CNTNAP2: variants seen among roughly 807,000 people sequenced by gnomAD.
CNTNAP2 encodes contactin-associated protein-like 2.
Under a neutral mutation model 155.2 loss-of-function variants are expected in CNTNAP2, and 98 were observed. The ratio of observed to expected loss-of-function variants is 0.63; its 90% CI spans 0.54 to 0.75. CNTNAP2 has a LOEUF of 0.75. CNTNAP2 is among the 30% of genes least tolerant of loss of function. CNTNAP2 has a pLI of 0.00. For synonymous variants in CNTNAP2, 651 were observed against 631.2 expected (o/e 1.03, Z -0.47); for missense variants, 1,727 against 1,688.1 (o/e 1.02, Z -0.40).
Position 146,911,453 on chromosome 7 carries a change from A to G in CNTNAP2, c.402+71549A>G, listed in dbSNP as rs537898725. Reference sequence around the variant, plus strand: ...TGGATTAAGAAAATGTGGCACATATACACCATGGAATACTATGCAGCCATA... The same window carrying G: ...TGGATTAAGAAAATGTGGCACATATGCACCATGGAATACTATGCAGCCATA... On this transcript the variant is annotated intron_variant, in intron 3 of 23. Transcript: ENST00000361727. Among the ~76,000 whole-genome samples, 453 of 152,166 alleles carry G rather than the reference A, an allele frequency of 3.0e-3. 2 individuals carry two copies. Among genetic ancestry groups the G allele is most frequent in the Non-Finnish European group, 5.0e-3 (343 of 67,958 alleles).
intron 1 of CNTNAP2, among the ~76,000 whole-genome samples, chr7:146,732,675 G>A (rs565073549): frequency 9.2e-5 from 14 of 152,146 alleles, no homozygotes; most frequent in Admixed American, 2.6e-4. Context: ...CTCATTATCC[G>A]TGGGGGAATT....
intron 1 of CNTNAP2, among the ~76,000 whole-genome samples, chr7:146,492,115 AC>A (rs1293780601): frequency 1.3e-5 from 2 of 152,140 alleles, no homozygotes; most frequent in Non-Finnish European, 2.9e-5. Context: ...AAACAAACAA[AC>A]AAAACTTATT....
At chr7:146,153,935 C>G (rs1052982416) in intron 1 of CNTNAP2, among the ~76,000 whole-genome samples, 1 of 152,158 alleles carries the variant, frequency 6.6e-6, no homozygotes, top group Non-Finnish European at 1.5e-5. Context: ...TCTGCCTCTT[C>G]AATTCATTCC....
At chr7:146,707,359 A>T (rs569156909) in intron 1 of CNTNAP2, among the ~76,000 whole-genome samples, 166 of 152,296 alleles carry the variant, frequency 1.1e-3, no homozygotes, top group Admixed American at 1.9e-3. Flanking sequence ...TATAACCTTC[A>T]TTATAATACA....
chr7:147,839,106 A>C (rs80046669), intron 13 of CNTNAP2, among the ~76,000 whole-genome samples: 6,703 of 152,268 alleles, frequency 0.044, 271 homozygotes, highest in Admixed American at 0.12. Flanking sequence ...AGAAAAATAT[A>C]GACCAGAAGA....
At chr7:147,623,602 G>A (rs1794910323) in intron 12 of CNTNAP2, among the ~76,000 whole-genome samples, 1 of 151,612 alleles carries the variant, frequency 6.6e-6, no homozygotes, top group Non-Finnish European at 1.5e-5. Context: ...AAATTGAGGA[G>A]AACACCAATA....
intron 1 of CNTNAP2, among the ~76,000 whole-genome samples, chr7:146,715,550 T>G (rs1167896914): frequency 4.6e-5 from 7 of 152,050 alleles, no homozygotes; most frequent in Admixed American, 1.3e-4. Flanking sequence ...TGTATACAGT[T>G]TCAGCAGCAA....
intron 1 of CNTNAP2, among the ~76,000 whole-genome samples, chr7:146,580,419 A>C (rs1037150613): frequency 2.6e-5 from 4 of 152,006 alleles, no homozygotes; most frequent in Admixed American, 2.0e-4. Context: ...TATTTTCTAC[A>C]ATTACAGAAT....
chr7:147,358,149 A>G (rs1226440933), intron 9 of CNTNAP2, among the ~76,000 whole-genome samples: 4 of 152,182 alleles, frequency 2.6e-5, no homozygotes, highest in Non-Finnish European at 5.9e-5. Context: ...CCCAAAAGAA[A>G]GCATTAGTTT....
intron 1 of CNTNAP2, among the ~76,000 whole-genome samples, chr7:146,244,964 C>T (rs1799621859): frequency 6.6e-6 from 1 of 151,824 alleles, no homozygotes; most frequent in Non-Finnish European, 1.5e-5. Context: ...CCTGAATAAT[C>T]CCTGAGGAGT....
chr7:148,170,315 A>C (rs1805757848), intron 17 of CNTNAP2, among the ~76,000 whole-genome samples: 2 of 152,258 alleles, frequency 1.3e-5, no homozygotes, highest in South Asian at 4.1e-4. Flanking sequence ...ATTTAATAAA[A>C]TGTCTTTTGG....
intron 22 of CNTNAP2, among the ~76,000 whole-genome samples, chr7:148,399,491 A>G (rs1469378766): frequency 1.3e-5 from 2 of 152,152 alleles, no homozygotes; most frequent in East Asian, 3.9e-4. Flanking sequence ...CAAGAACCTA[A>G]ATGCCAACAT....
chr7:146,751,837 C>T (rs994651896), intron 1 of CNTNAP2, among the ~76,000 whole-genome samples: 2 of 151,982 alleles, frequency 1.3e-5, no homozygotes, highest in African/African-American at 4.8e-5. Context: ...CTTGTGTTCT[C>T]ATTGTTCACC....
chr7:146,328,706 T>A (rs1482891142), intron 1 of CNTNAP2, among the ~76,000 whole-genome samples: 1 of 152,138 alleles, frequency 6.6e-6, no homozygotes, highest in Non-Finnish European at 1.5e-5. Flanking sequence ...AGCCCCCAGC[T>A]CCTCCTAATC....
At chr7:148,012,912 G>A (rs1377961371) in intron 15 of CNTNAP2, among the ~76,000 whole-genome samples, 9 of 152,116 alleles carry the variant, frequency 5.9e-5, no homozygotes, top group Admixed American at 5.2e-4. Context: ...TGGAGCTGCT[G>A]GTTAAGGGTG....
intron 13 of CNTNAP2, among the ~76,000 whole-genome samples, chr7:147,670,058 AC>A (rs1357729743): frequency 6.6e-6 from 1 of 152,114 alleles, no homozygotes; most frequent in Non-Finnish European, 1.5e-5. Context: ...ATGTATTGAA[AC>A]TTTTGTTATT....
intron 1 of CNTNAP2, among the ~76,000 whole-genome samples, chr7:146,151,659 T>C (rs201031992): frequency 0.025 from 934 of 37,444 alleles, 39 homozygotes; most frequent in East Asian, 0.09. Flanking sequence ...TATATATATA[T>C]ATATATATAT....
intron 8 of CNTNAP2, among the ~76,000 whole-genome samples, chr7:147,163,700 A>G (rs1496536): frequency 0.46 from 70,560 of 151,762 alleles, 16,658 homozygotes; most frequent in East Asian, 0.64. Flanking sequence ...CTCACAAGTT[A>G]GGTGTGAAGA....
At chr7:146,885,190 G>T (rs901575594) in intron 3 of CNTNAP2, among the ~76,000 whole-genome samples, 1 of 152,196 alleles carries the variant, frequency 6.6e-6, no homozygotes, top group Non-Finnish European at 1.5e-5. Context: ...ATTATAATTT[G>T]CTTCCGAAAT....
Sources: gnomAD v4.1 joint callset for allele counts (sites outside exome capture counted in the v4.1 genomes callset) on GRCh38, gnomAD v4.1.1 for gene constraint, MANE v1.5 for transcripts, NCBI Gene and HGNC (gene_info 2026-07-23, HGNC 2026-07-21) for gene names.